Variants in CNOT4 observed in about 807,000 individuals in gnomAD.
CNOT4 encodes the protein CCR4-NOT transcription complex subunit 4.
In CNOT4, 8 loss-of-function variants were observed where a neutral mutation model predicts 73.8. The ratio of observed to expected loss-of-function variants is 0.11; its 90% CI spans 0.06 to 0.20. The LOEUF is 0.20. Ranked by LOEUF, CNOT4 falls within the 10% of genes least tolerant of loss-of-function variation. CNOT4 has a pLI of 1.00. For missense variants in CNOT4, 564 were observed against 883.4 expected, an observed-to-expected ratio of 0.64 and a Z score of 4.58; for synonymous variants, 293 against 321.1, an observed-to-expected ratio of 0.91 and a Z score of 0.94.
chr7:135,462,918 A>G (rs1294789663), intron 1 of CNOT4, among the ~76,000 whole-genome samples: 1 of 152,228 alleles, frequency 6.6e-6, no homozygotes, highest in East Asian at 1.9e-4. Context: ...GGATTAAATA[A>G]TGTGATAACC....
At chr7:135,437,837 C>T (rs1010086253) in intron 2 of CNOT4, among the ~76,000 whole-genome samples, 3 of 152,124 alleles carry the variant, frequency 2.0e-5, no homozygotes, top group Non-Finnish European at 4.4e-5. Flanking sequence ...AAATCCATTA[C>T]CTCTCTATTC....
rs1019164198 is a variant in CNOT4, at chr7:135,387,899, G to A, written c.1627+6019C>T. 5 of 962,816 alleles carry A rather than the reference G, an allele frequency of 5.2e-6. No individual in the cohort carries two copies. The African/African-American group carries it at 8.8e-5, about 17-fold the overall frequency. The allele number at this position is 962,816 out of a possible 1,614,324, so 59.6% of individuals were successfully genotyped here. A position where few individuals can be genotyped will look rare whatever the true frequency, so the allele number is the denominator to read the frequency against. On this transcript the variant is annotated intron_variant, in intron 10 of 11. Coordinates refer to ENST00000541284, the MANE Select transcript of CNOT4 (RefSeq NM_001190850.2). Reference sequence around the variant, plus strand: ...TCTGCCTTAGTCTCATTCTGGTCAGGTACTTATAATATTATCTTATTATCA... The same window carrying A: ...TCTGCCTTAGTCTCATTCTGGTCAGATACTTATAATATTATCTTATTATCA...
At chr7:135,468,333 G>C (rs1385120690) in intron 1 of CNOT4, among the ~76,000 whole-genome samples, 1 of 152,040 alleles carries the variant, frequency 6.6e-6, no homozygotes, top group Non-Finnish European at 1.5e-5. Context: ...CAGAAGCAAA[G>C]GAACAATACA....
intron 10 of CNOT4, among the ~76,000 whole-genome samples, chr7:135,365,214 T>C (rs569934358): frequency 2.0e-5 from 3 of 152,308 alleles, no homozygotes; most frequent in African/African-American, 2.4e-5. Flanking sequence ...TTTAACTCCA[T>C]TGACCTTATT....
chr7:135,502,475 C>T (rs1193327986), intron 1 of CNOT4, among the ~76,000 whole-genome samples: 1 of 152,204 alleles, frequency 6.6e-6, no homozygotes, highest in African/African-American at 2.4e-5. Context: ...CAAAGAAGTT[C>T]TGCCAAATTT....
At chr7:135,365,873 G>A (rs1426273189) in intron 10 of CNOT4, among the ~76,000 whole-genome samples, 3 of 152,132 alleles carry the variant, frequency 2.0e-5, no homozygotes, top group Non-Finnish European at 2.9e-5. Context: ...AACTACATGA[G>A]ACACAAACAA....
intron 10 of CNOT4, among the ~76,000 whole-genome samples, chr7:135,375,828 G>T (rs921219419): frequency 6.6e-6 from 1 of 152,190 alleles, no homozygotes; most frequent in African/African-American, 2.4e-5. Flanking sequence ...AGGAGGCTGA[G>T]GCAGGAGAAT....
At chr7:135,495,453 C>T (rs1316712254) in intron 1 of CNOT4, among the ~76,000 whole-genome samples, 2 of 146,002 alleles carry the variant, frequency 1.4e-5, no homozygotes, top group South Asian at 2.2e-4. Flanking sequence ...TGCAGTGAGC[C>T]GAGACTGCGC....
At chr7:135,427,830 G>C (rs921009259) in intron 2 of CNOT4, among the ~76,000 whole-genome samples, 10 of 152,118 alleles carry the variant, frequency 6.6e-5, no homozygotes, top group Admixed American at 6.5e-4. Context: ...GTTTTTGGTT[G>C]AAAGTAAAAA....
At chr7:135,435,676 A>T (rs2129485229) in intron 2 of CNOT4, among the ~76,000 whole-genome samples, 1 of 152,216 alleles carries the variant, frequency 6.6e-6, no homozygotes, top group Admixed American at 6.5e-5. Context: ...GTTTTCCTGA[A>T]ATCTGTGTTA....
At chr7:135,446,489 A>G (rs1799835117) in intron 1 of CNOT4, among the ~76,000 whole-genome samples, 1 of 152,236 alleles carries the variant, frequency 6.6e-6, no homozygotes, top group Non-Finnish European at 1.5e-5. Context: ...ACTATAGTAC[A>G]TAACAGTACT....
At chr7:135,398,955 C>A (rs1219324934) in intron 7 of CNOT4, among the ~76,000 whole-genome samples, 3 of 151,850 alleles carry the variant, frequency 2.0e-5, no homozygotes, top group African/African-American at 7.3e-5. Context: ...AGAAATGAGA[C>A]AAAAGAAACA....
chr7:135,468,828 C>G (rs1236734123), intron 1 of CNOT4, among the ~76,000 whole-genome samples: 1 of 152,048 alleles, frequency 6.6e-6, no homozygotes. Flanking sequence ...ACCCTTATGC[C>G]TTACTCTTAA....
At chr7:135,492,450 AG>A (rs546831892) in intron 1 of CNOT4, among the ~76,000 whole-genome samples, 169 of 152,314 alleles carry the variant, frequency 1.1e-3, no homozygotes, top group African/African-American at 3.8e-3. Flanking sequence ...AAGGTAAGGA[AG>A]GAAGAAAGGA....
At chr7:135,455,696 GA>G (rs1372106452) in intron 1 of CNOT4, among the ~76,000 whole-genome samples, 2 of 151,954 alleles carry the variant, frequency 1.3e-5, no homozygotes, top group Non-Finnish European at 2.9e-5. Context: ...CCAACATGCT[GA>G]AACCCTATCT....
intron 10 of CNOT4, among the ~76,000 whole-genome samples, chr7:135,374,701 T>C (rs1795422469): frequency 6.6e-6 from 1 of 152,230 alleles, no homozygotes; most frequent in Non-Finnish European, 1.5e-5. Flanking sequence ...TCTATCACTT[T>C]ATAATCACAT....
intron 1 of CNOT4, among the ~76,000 whole-genome samples, chr7:135,466,373 C>G (rs1445040676): frequency 2.0e-5 from 3 of 150,272 alleles, no homozygotes; most frequent in Admixed American, 6.7e-5. Flanking sequence ...ACTCAGGAGG[C>G]TGAGGTATGA....
intron 1 of CNOT4, among the ~76,000 whole-genome samples, chr7:135,502,158 C>G (rs556772281): frequency 1.3e-5 from 2 of 152,258 alleles, no homozygotes; most frequent in South Asian, 4.1e-4. Context: ...ACATTTCTGT[C>G]GATTATAATT....
intron 1 of CNOT4, among the ~76,000 whole-genome samples, chr7:135,483,343 A>AT (rs1283671425): frequency 6.6e-6 from 1 of 152,006 alleles, no homozygotes; most frequent in African/African-American, 2.4e-5. Context: ...GTCTCAAAAA[A>AT]AAAAATAAAA....
Sources: allele counts gnomAD v4.1 joint callset (sites outside exome capture counted in the v4.1 genomes callset), GRCh38; gene constraint gnomAD v4.1.1; transcripts MANE v1.5; gene names NCBI Gene and HGNC (gene_info 2026-07-23, HGNC 2026-07-21).